Variants in MAP4K5 observed in about 807,000 individuals in gnomAD.
MAP4K5 encodes the protein MAPK/ERK kinase kinase kinase 5.
Under a neutral mutation model 135.6 loss-of-function variants are expected in MAP4K5, and 82 were observed. The ratio of observed to expected loss-of-function variants is 0.60; its 90% CI spans 0.51 to 0.73. The LOEUF (loss-of-function observed/expected upper bound fraction) is 0.73. Among genes scored for constraint, MAP4K5 ranks in the 30% least tolerant of loss-of-function variants. The pLI is 0.00. For missense variants in MAP4K5, 907 were observed against 1,010.9 expected, an observed-to-expected ratio of 0.90 and a Z score of 1.39; for synonymous variants, 347 against 335.0, an observed-to-expected ratio of 1.04 and a Z score of -0.39.
chr14:50,442,255 C>T (rs1170810104), intron 21 of MAP4K5, among the ~76,000 whole-genome samples: 1 of 152,032 alleles, frequency 6.6e-6, no homozygotes, highest in African/African-American at 2.4e-5. Context: ...TTTACTACTT[C>T]TGCTTGATCC....
intron 9 of MAP4K5, among the ~76,000 whole-genome samples, chr14:50,473,716 C>CCT (rs1313361730): frequency 3.1e-5 from 3 of 95,502 alleles, no homozygotes; most frequent in Admixed American, 1.3e-4. Flanking sequence ...TTTGGTTTCA[C>CCT]TTTTTTTTTT....
At chr14:50,423,903 G>A (rs931746085) in intron 31 of MAP4K5, among the ~76,000 whole-genome samples, 4 of 152,198 alleles carry the variant, frequency 2.6e-5, no homozygotes, top group Admixed American at 1.3e-4. Flanking sequence ...CTCAAGCCTC[G>A]TCATCTACAA....
At chr14:50,438,035 T>C (rs1401392366) in intron 24 of MAP4K5, 27 bp from the exon 25 acceptor site, 9 of 1,206,716 alleles carry the variant, frequency 7.5e-6, no homozygotes, top group East Asian at 2.3e-5. Context: ...TGTTACCTTT[T>C]TGAGAATCAT....
Position 50,509,702 on chromosome 14 carries a change from C to T in MAP4K5, c.109-4845G>A, listed in dbSNP as rs904781722. Among the ~76,000 whole-genome samples the T allele has an allele frequency of 5.9e-5, 9 of 151,880 alleles. No homozygotes were observed. In the South Asian group the frequency reaches 8.3e-4, roughly 14 times the overall value. ...AAAAAAAAAACAGATTCAATGAACT[C>T]TTATTTTAACTCACTTACGTCATAA... is the stretch of plus-strand genomic sequence containing the variant. On this transcript the variant is annotated intron_variant, in intron 2 of 32. Coordinates refer to ENST00000682126, the MANE Select transcript of MAP4K5 (RefSeq NM_006575.6).
chr14:50,433,152 A>G (rs527904338), intron 28 of MAP4K5, among the ~76,000 whole-genome samples: 1 of 152,210 alleles, frequency 6.6e-6, no homozygotes, highest in South Asian at 2.1e-4. Context: ...AAATATTTCT[A>G]TTTGGGCAGT....
At chr14:50,434,259 T>C (rs2036038893) in intron 28 of MAP4K5, 135 bp downstream of exon 28, 1 of 640,080 alleles carries the variant, frequency 1.6e-6, no homozygotes, top group East Asian at 2.8e-5. Context: ...CACGGTTCTA[T>C]GGGCTTACTT....
chr14:50,502,294 A>G (rs1247347531), intron 3 of MAP4K5, among the ~76,000 whole-genome samples: 1 of 152,184 alleles, frequency 6.6e-6, no homozygotes, highest in Non-Finnish European at 1.5e-5. Context: ...CCAAAATAAC[A>G]TTCTATGTAT....
chr14:50,504,703 C>G lies in MAP4K5; in HGVS notation c.166+97G>C, dbSNP rs570706766. 7.1e-6 allele frequency: 6 copies of G among 850,350 alleles called. No homozygotes were observed. In the South Asian group the frequency reaches 8.2e-5, roughly 12 times the overall value. The allele number at this position is 850,350 out of a possible 1,614,324, so 52.7% of individuals were successfully genotyped here. On this transcript the variant is annotated intron_variant, in intron 3 of 32. Coordinates refer to ENST00000682126, the MANE Select transcript of MAP4K5 (RefSeq NM_006575.6). Reference sequence around the variant, plus strand: ...ATTTAATTGAAGATATTCTACTGACCTGATAGAACATATAAAGACTTCTTC... The same window carrying G: ...ATTTAATTGAAGATATTCTACTGACGTGATAGAACATATAAAGACTTCTTC...
At chr14:50,493,658 T>C (rs894413806) in intron 3 of MAP4K5, among the ~76,000 whole-genome samples, 1 of 151,920 alleles carries the variant, frequency 6.6e-6, no homozygotes, top group African/African-American at 2.4e-5. Flanking sequence ...CTATACACAG[T>C]GAACAATCAG....
intron 1 of MAP4K5, among the ~76,000 whole-genome samples, chr14:50,554,119 T>C (rs1172087376): frequency 1.3e-5 from 2 of 152,164 alleles, no homozygotes; most frequent in East Asian, 3.8e-4. Flanking sequence ...GTTTTTTTTT[T>C]TTAATCCACA....
intron 28 of MAP4K5, among the ~76,000 whole-genome samples, chr14:50,432,460 G>A (rs1292251744): frequency 4.6e-5 from 7 of 151,658 alleles, no homozygotes; most frequent in Admixed American, 4.6e-4. Flanking sequence ...TCAGACAGTA[G>A]TTGGGGGTCT....
At chr14:50,457,702 T>C (rs1195407700) in intron 13 of MAP4K5, among the ~76,000 whole-genome samples, 2 of 152,124 alleles carry the variant, frequency 1.3e-5, no homozygotes, top group Non-Finnish European at 2.9e-5. Flanking sequence ...ACACATGAAT[T>C]TCCTCTATAT....
chr14:50,489,698 C>T (rs1277968497), intron 3 of MAP4K5, among the ~76,000 whole-genome samples: 2 of 152,118 alleles, frequency 1.3e-5, no homozygotes, highest in African/African-American at 4.8e-5. Context: ...GCCAAAGGAA[C>T]CAGGGTGAAC....
chr14:50,540,538 G>T (rs948763431), intron 2 of MAP4K5, among the ~76,000 whole-genome samples: 1 of 152,142 alleles, frequency 6.6e-6, no homozygotes, highest in African/African-American at 2.4e-5. Context: ...TTTTACCAGG[G>T]TGATTGTGAG....
chr14:50,433,660 C>T (rs2036024620), intron 28 of MAP4K5, among the ~76,000 whole-genome samples: 1 of 152,108 alleles, frequency 6.6e-6, no homozygotes, highest in South Asian at 2.1e-4. Context: ...ATATATGTAA[C>T]AGACTTCTTC....
At chr14:50,527,306 C>T (rs1433756997) in intron 2 of MAP4K5, among the ~76,000 whole-genome samples, 1 of 151,862 alleles carries the variant, frequency 6.6e-6, no homozygotes, top group African/African-American at 2.4e-5. Flanking sequence ...CGCCACCGCA[C>T]TCCAGCCTGG....
At chr14:50,536,537 G>A (rs898974855), upstream of MAP4K5, among the ~76,000 whole-genome samples, 2 of 152,150 alleles carry the variant, frequency 1.3e-5, no homozygotes, top group Non-Finnish European at 1.5e-5. Context: ...AACAGGCAGA[G>A]GTTGGAAGAG....
At chr14:50,453,593 A>C (rs1316727401) in intron 14 of MAP4K5, among the ~76,000 whole-genome samples, 1 of 152,166 alleles carries the variant, frequency 6.6e-6, no homozygotes, top group East Asian at 1.9e-4. Flanking sequence ...TAAATCACTG[A>C]CACAGAGAAA....
chr14:50,436,516 G>A (rs2036096741), intron 26 of MAP4K5, among the ~76,000 whole-genome samples: 1 of 151,610 alleles, frequency 6.6e-6, no homozygotes, highest in South Asian at 2.1e-4. Context: ...TAGTGGGGCT[G>A]CATACTGAGA....
Sources: allele counts gnomAD v4.1 joint callset (sites outside exome capture counted in the v4.1 genomes callset), GRCh38; gene constraint gnomAD v4.1.1; transcripts MANE v1.5; gene names NCBI Gene and HGNC (gene_info 2026-07-23, HGNC 2026-07-21).